The following STK33 variants were observed in gnomAD, a reference collection of about 807,000 sequenced individuals.
STK33 encodes serine/threonine-protein kinase 33.
STK33 carries 52 observed loss-of-function variants against 58.0 expected under a neutral mutation model. The observed-to-expected ratio is 0.90, with a 90% CI of 0.72 to 1.13. STK33 has a LOEUF of 1.13. Ranked by LOEUF, STK33 falls within the 50% of genes most tolerant of loss-of-function variation. STK33 has a pLI of 0.00. For synonymous variants in STK33, 215 were observed against 200.1 expected, an observed-to-expected ratio of 1.07 and a Z score of -0.63; for missense variants, 630 against 604.2, an observed-to-expected ratio of 1.04 and a Z score of -0.45.
At chr11:8,348,339 C>G in the STK33 span, among the ~76,000 whole-genome samples, 1 of 152,186 alleles carries the variant, frequency 6.6e-6, no homozygotes, top group Non-Finnish European at 1.5e-5. Flanking sequence ...AGGAGACTTA[C>G]AATCTTGGCG....
Position 8,404,974 on chromosome 11 carries a change from AT to A in STK33, c.1344+8520del, listed in dbSNP as rs563947046. 4.1e-3 allele frequency among the ~76,000 whole-genome samples: 626 copies of A among 152,262 alleles called. 4 individuals are homozygous for A. Among genetic ancestry groups the A allele is most frequent in the Middle Eastern group, 0.014 (4 of 294 alleles). On this transcript the variant is annotated intron_variant, in intron 15 of 15. Coordinates refer to ENST00000687296, the MANE Select transcript of STK33 (RefSeq NM_001352389.2). ...ACTAACACAGTAAAACCCCATCTCTATTAAAAATACAAAAAATTAGCTGGGT... is the reference window on the plus strand; with the variant it reads ...ACTAACACAGTAAAACCCCATCTCTATAAAAATACAAAAAATTAGCTGGGT...
At chr11:8,565,448 G>A (rs184588357) in intron 1 of STK33, among the ~76,000 whole-genome samples, 3 of 152,262 alleles carry the variant, frequency 2.0e-5, no homozygotes, top group East Asian at 3.9e-4. Flanking sequence ...TTCTGCATCC[G>A]ATAACAGAGT....
the STK33 span, among the ~76,000 whole-genome samples, chr11:8,375,979 C>T: frequency 6.6e-6 from 1 of 152,200 alleles, no homozygotes; most frequent in African/African-American, 2.4e-5. Context: ...GGAAACTCAG[C>T]TTGGAGAATA....
chr11:8,386,137 C>T, the STK33 span, among the ~76,000 whole-genome samples: 1,469 of 152,276 alleles, frequency 9.6e-3, 34 homozygotes, highest in African/African-American at 0.033. Context: ...GGGTCTGATG[C>T]TGGTCATCTT....
At chr11:8,495,432 A>C (rs906060434) in intron 1 of STK33, among the ~76,000 whole-genome samples, 9 of 152,230 alleles carry the variant, frequency 5.9e-5, no homozygotes, top group Non-Finnish European at 1.3e-4. Flanking sequence ...GGTGATCATT[A>C]AAAAGTCAGG....
chr11:8,551,932 A>T (rs1315083297), intron 1 of STK33, among the ~76,000 whole-genome samples: 1 of 152,054 alleles, frequency 6.6e-6, no homozygotes, highest in Non-Finnish European at 1.5e-5. Context: ...TCTCTTCAAC[A>T]TGGTGTCCCT....
chr11:8,498,047 T>C (rs920107195), intron 1 of STK33, among the ~76,000 whole-genome samples: 1 of 152,032 alleles, frequency 6.6e-6, no homozygotes, highest in Admixed American at 6.5e-5. Context: ...AAATACAAGG[T>C]AGGTTCAACA....
At chr11:8,504,180 C>T (rs767787087) in intron 1 of STK33, among the ~76,000 whole-genome samples, 3 of 152,132 alleles carry the variant, frequency 2.0e-5, no homozygotes, top group African/African-American at 7.2e-5. Context: ...ATAAGCCTGT[C>T]AAAGCTGAAA....
At chr11:8,410,470 C>CTTTTTTTTTTT (rs11382344) in intron 15 of STK33, among the ~76,000 whole-genome samples, 87 of 121,810 alleles carry the variant, frequency 7.1e-4, no homozygotes, top group Middle Eastern at 4.2e-3. Flanking sequence ...CTTTTCTTTT[C>CTTTTTTTTTTT]TTTTTTTTTT....
chr11:8,572,284 CCTAGA>C (rs1266371286), intron 1 of STK33, among the ~76,000 whole-genome samples: 24 of 151,880 alleles, frequency 1.6e-4, no homozygotes, highest in Non-Finnish European at 1.5e-5. Context: ...ATAAATTATC[CCTAGA>C]CTAAAGACTG....
the STK33 span, among the ~76,000 whole-genome samples, chr11:8,351,980 C>T: frequency 6.6e-6 from 1 of 152,204 alleles, no homozygotes. Context: ...TCTTCCCATA[C>T]CAGCAGGAGA....
intron 1 of STK33, among the ~76,000 whole-genome samples, chr11:8,513,425 C>G (rs1952501451): frequency 6.6e-6 from 1 of 152,154 alleles, no homozygotes; most frequent in Admixed American, 6.6e-5. Context: ...AAATAAGGCA[C>G]TATTCATGAA....
rs1165529978 is a variant in STK33 at position 8,581,325 on chromosome 11, TG to T, written c.-466+12757del. 3.0e-4 allele frequency among the ~76,000 whole-genome samples: 45 copies of T among 152,140 alleles called. 1 individual carries two copies. The highest frequency in any genetic ancestry group is 1.0e-3 in the African/African-American group (43 of 41,424). On this transcript the variant is annotated intron_variant, in intron 1 of 15. Transcript: ENST00000687296. The stretch of plus-strand genomic sequence containing the variant: ...CTGCATATGAGATAACTTATCAGCC[TG>T]GGCAACATAGTGAGACCCCCATATA...
At chr11:8,412,853 C>T (rs887068751) in intron 15 of STK33, among the ~76,000 whole-genome samples, 10 of 152,248 alleles carry the variant, frequency 6.6e-5, no homozygotes, top group Middle Eastern at 3.4e-3. Flanking sequence ...GTCAGGATAT[C>T]CAGTTAACGG....
chr11:8,417,512 T>G (rs1237459450), intron 14 of STK33, among the ~76,000 whole-genome samples: 1 of 152,072 alleles, frequency 6.6e-6, no homozygotes, highest in Non-Finnish European at 1.5e-5. Context: ...TTAAAATAAA[T>G]GAATGAATAA....
intron 1 of STK33, among the ~76,000 whole-genome samples, chr11:8,481,051 G>A (rs943629805): frequency 6.6e-6 from 1 of 152,178 alleles, no homozygotes; most frequent in African/African-American, 2.4e-5. Context: ...GAGAGGAGCT[G>A]TCCAAAGCCA....
intron 1 of STK33, among the ~76,000 whole-genome samples, chr11:8,570,390 T>C (rs1452150207): frequency 6.6e-6 from 1 of 152,212 alleles, no homozygotes; most frequent in African/African-American, 2.4e-5. Context: ...ATCTATCCTA[T>C]GAATGAATAA....
chr11:8,527,472 GT>G (rs1195900565), intron 1 of STK33, among the ~76,000 whole-genome samples: 1 of 151,834 alleles, frequency 6.6e-6, no homozygotes, highest in Non-Finnish European at 1.5e-5. Flanking sequence ...CAAGAAGTGA[GT>G]TTTTGTTTTT....
chr11:8,591,859 A>G (rs929149804), intron 1 of STK33, among the ~76,000 whole-genome samples: 1 of 151,794 alleles, frequency 6.6e-6, no homozygotes, highest in Non-Finnish European at 1.5e-5. Context: ...GTGGGGAGGG[A>G]TAGCATTAGG....
Sources: allele counts gnomAD v4.1 joint callset (sites outside exome capture counted in the v4.1 genomes callset), GRCh38; gene constraint gnomAD v4.1.1; transcripts MANE v1.5; gene names NCBI Gene and HGNC (gene_info 2026-07-23, HGNC 2026-07-21).